Variants in OPHN1 observed in about 807,000 individuals in gnomAD.
OPHN1 encodes oligophrenin-1.
OPHN1 carries 11 observed loss-of-function variants against 60.7 expected under a neutral mutation model. The ratio of observed to expected loss-of-function variants is 0.18; its 90% CI spans 0.11 to 0.30. The LOEUF is 0.30. Among genes scored for constraint, OPHN1 ranks in the 10% least tolerant of loss-of-function variants. The pLI, the probability that OPHN1 is intolerant of heterozygous loss-of-function variation, is 1.00. For missense variants in OPHN1, 449 were observed against 611.0 expected (o/e 0.73, Z 2.80); for synonymous variants, 226 against 222.6 (o/e 1.02, Z -0.14).
chrX:68,230,462 C>A (rs1305802586), intron 6 of OPHN1, among the ~76,000 whole-genome samples: 3 of 110,650 alleles, frequency 2.7e-5, no homozygotes, highest in Admixed American at 9.7e-5. Context: ...GACACATGCA[C>A]ACATATGCTT....
At chrX:68,150,242 G>C (rs2077280143) in intron 15 of OPHN1, among the ~76,000 whole-genome samples, 1 of 111,423 alleles carries the variant, frequency 9.0e-6, no homozygotes, top group Admixed American at 9.6e-5. Context: ...AGATAGAGGT[G>C]GCAGCTGCAC....
Position 68,426,646 on chromosome X carries a change from T to A in OPHN1, c.154+6221A>T, listed in dbSNP as rs1238219593. 5.5e-5 allele frequency among the ~76,000 whole-genome samples: 4 copies of A among 72,700 alleles called. No individual in the cohort carries two copies. In the Admixed American group the frequency reaches 8.2e-4, roughly 15 times the overall value. The allele number at this position is 72,700 out of a possible 115,157, so 63.1% of individuals were successfully genotyped here. A position where few individuals can be genotyped will look rare whatever the true frequency, so the allele number is the denominator to read the frequency against. The stretch of plus-strand genomic sequence containing the variant: ...GGGAGACTGAGGTGGAAAAAACATT[T>A]GAGCCCAGGAGTTCAAGACCAACCT... On this transcript the variant is annotated intron_variant, in intron 2 of 24. Coordinates refer to ENST00000355520, the MANE Select transcript of OPHN1 (RefSeq NM_002547.3).
intron 10 of OPHN1, among the ~76,000 whole-genome samples, chrX:68,205,757 GTAC>G (rs2077555538): frequency 8.9e-6 from 1 of 111,793 alleles, no homozygotes; most frequent in Admixed American, 9.5e-5. Context: ...GGGTCTTCAT[GTAC>G]TACTTTCAGT....
At chrX:68,194,538 C>G (rs755407651) in intron 12 of OPHN1, 40 bp from the exon 13 acceptor site, 1 of 1,079,965 alleles carries the variant, frequency 9.3e-7, no homozygotes, top group South Asian at 1.9e-5. Context: ...TGGCTATTGT[C>G]AATCAATATA....
chrX:68,196,069 G>A (rs1378625844), intron 12 of OPHN1, among the ~76,000 whole-genome samples: 1 of 111,964 alleles, frequency 8.9e-6, no homozygotes, highest in East Asian at 2.8e-4. Flanking sequence ...AGACAGTGCT[G>A]GAATATTTTC....
At chrX:68,351,753 G>A (rs1447189140) in intron 2 of OPHN1, among the ~76,000 whole-genome samples, 3 of 111,359 alleles carry the variant, frequency 2.7e-5, no homozygotes, top group Non-Finnish European at 5.7e-5. Flanking sequence ...CGGGAGTGCA[G>A]TGCCGCGATC....
At chrX:68,117,881 C>T (rs745421795) in intron 16 of OPHN1, among the ~76,000 whole-genome samples, 2 of 111,884 alleles carry the variant, frequency 1.8e-5, no homozygotes, top group Non-Finnish European at 3.8e-5. Context: ...TTGAAAAGGG[C>T]CACCCTGCCT....
intron 16 of OPHN1, among the ~76,000 whole-genome samples, chrX:68,114,416 T>C (rs2077118692): frequency 9.0e-6 from 1 of 110,716 alleles, no homozygotes; most frequent in Admixed American, 9.7e-5. Context: ...TACTATACTA[T>C]ACTGCCTGCC....
chrX:68,161,684 A>G (rs1263607344), intron 15 of OPHN1, among the ~76,000 whole-genome samples: 3 of 111,334 alleles, frequency 2.7e-5, no homozygotes, highest in East Asian at 5.6e-4. Context: ...TAAAAATTGA[A>G]TATGTATATG....
At chrX:68,226,851 T>A (rs1197870758) in intron 6 of OPHN1, among the ~76,000 whole-genome samples, 1 of 111,566 alleles carries the variant, frequency 9.0e-6, no homozygotes, top group South Asian at 3.8e-4. Flanking sequence ...GCGAACATCA[T>A]AATCACAGGA....
At chrX:68,144,383 G>C (rs2077255525) in intron 15 of OPHN1, among the ~76,000 whole-genome samples, 1 of 110,510 alleles carries the variant, frequency 9.0e-6, no homozygotes. Flanking sequence ...AGCAGTGATA[G>C]AAAGTGAAGG....
intron 18 of OPHN1, among the ~76,000 whole-genome samples, chrX:68,110,762 A>T (rs1238000677): frequency 8.9e-6 from 1 of 112,566 alleles, no homozygotes; most frequent in East Asian, 2.8e-4. Context: ...TAAATATAAA[A>T]GCCATTCTCT....
chrX:68,210,287 C>G lies in OPHN1; in HGVS notation c.703-5G>C. 1 of 1,201,258 alleles carries G rather than the reference C, an allele frequency of 8.3e-7. No homozygotes were observed. Among genetic ancestry groups the G allele is most frequent in the Non-Finnish European group, 1.1e-6 (1 of 886,788 alleles). On this transcript the variant is annotated splice_region_variant and splice_polypyrimidine_tract_variant and intron_variant, in intron 8 of 24. Transcript: ENST00000355520. ...ACTGGAGAAATGATTTCTTGTCTGT[C>G]AAGACATCATCATGAAAATCATTAT...
intron 2 of OPHN1, among the ~76,000 whole-genome samples, chrX:68,303,805 C>T (rs757799922): frequency 7.0e-4 from 78 of 110,791 alleles, no homozygotes; most frequent in Non-Finnish European, 1.1e-3. Context: ...AGATAAATAC[C>T]ACATGCTCTT....
chrX:68,193,039 T>C (rs765251698), intron 14 of OPHN1, 46 bp from the exon 15 acceptor site: 24 of 1,007,767 alleles, frequency 2.4e-5, no homozygotes, highest in Admixed American at 2.2e-4. Context: ...ATAGCTAGAG[T>C]TGTCATCTCC....
intron 15 of OPHN1, among the ~76,000 whole-genome samples, chrX:68,167,473 A>G (rs1212245160): frequency 1.8e-5 from 2 of 110,811 alleles, no homozygotes; most frequent in East Asian, 5.7e-4. Flanking sequence ...GAGTTACCAT[A>G]TAATCCAGCA....
chrX:68,368,101 T>A (rs1463348381), intron 2 of OPHN1, among the ~76,000 whole-genome samples: 1 of 111,916 alleles, frequency 8.9e-6, no homozygotes, highest in Non-Finnish European at 1.9e-5. Flanking sequence ...CCAAAAACAC[T>A]GCACGCTGAC....
intron 2 of OPHN1, among the ~76,000 whole-genome samples, chrX:68,427,763 T>TATAA (rs1003446792): frequency 9.1e-6 from 1 of 109,942 alleles, no homozygotes; most frequent in African/African-American, 3.3e-5. Context: ...CTGTATCATT[T>TATAA]AGCTCAGGGG....
intron 15 of OPHN1, among the ~76,000 whole-genome samples, chrX:68,186,540 C>A (rs2077463406): frequency 9.1e-6 from 1 of 109,416 alleles, no homozygotes; most frequent in Admixed American, 9.8e-5. Flanking sequence ...AGACTGAGTA[C>A]AGAACAAGTT....
Sources: gnomAD v4.1 joint callset for allele counts (sites outside exome capture counted in the v4.1 genomes callset) on GRCh38, gnomAD v4.1.1 for gene constraint, MANE v1.5 for transcripts, NCBI Gene and HGNC (gene_info 2026-07-23, HGNC 2026-07-21) for gene names.